Variants in RCOR1 observed in about 807,000 individuals in gnomAD.
RCOR1 encodes REST corepressor.
Under a neutral mutation model 64.0 loss-of-function variants are expected in RCOR1, and 12 were observed. The ratio of observed to expected loss-of-function variants is 0.19; its 90% CI spans 0.12 to 0.30. The LOEUF (loss-of-function observed/expected upper bound fraction) is 0.30. Among genes scored for constraint, RCOR1 ranks in the 10% least tolerant of loss-of-function variants. The pLI, the probability that RCOR1 is intolerant of heterozygous loss-of-function variation, is 1.00. For missense variants in RCOR1, 502 were observed against 621.2 expected (o/e 0.81, Z 2.04); for synonymous variants, 279 against 227.2 (o/e 1.23, Z -2.05).
chr14:102,701,456 G>A (rs1895757782), intron 4 of RCOR1, 126 bp downstream of exon 4: 5 of 621,710 alleles, frequency 8.0e-6, no homozygotes, highest in South Asian at 4.7e-5. Context: ...GTAATTACTA[G>A]TAGTGTTACA....
At position 102,592,950 on chromosome 14, in the gene RCOR1, G is replaced by GCCGCCT. The variant is rs747961008; in HGVS notation, c.76_81dup (p.Ser26_Ala27dup). 125 of 1,189,376 alleles carry GCCGCCT rather than the reference G, an allele frequency of 1.1e-4. No individual in the cohort carries two copies. The East Asian group carries it at 1.1e-3, about 10-fold the overall frequency. 73.7% of individuals were successfully genotyped at this position (1,189,376 alleles called of 1,614,324 possible). ...GAAGCGGAGAGGGAGGAACAACGCGGCCGCCTCCGCCTCCGCCGCCGCCGC... is the reference window on the plus strand; with the variant it reads ...GAAGCGGAGAGGGAGGAACAACGCGGCCGCCTCCGCCTCCGCCTCCGCCGCCGCCGC... On this transcript the variant is annotated inframe_insertion, in exon 1 of 12. Coordinates refer to ENST00000262241, the MANE Select transcript of RCOR1 (RefSeq NM_015156.4).
chr14:102,651,286 G>A (rs947003659), intron 2 of RCOR1: 1 of 155,322 alleles, frequency 6.4e-6, no homozygotes, highest in African/African-American at 2.4e-5. Flanking sequence ...CAGGCGTGGT[G>A]GCCCACGCCT....
intron 2 of RCOR1, chr14:102,655,110 CTTTTTTTTTTTTTT>C (rs67404203): frequency 1.9e-5 from 2 of 104,530 alleles, no homozygotes; most frequent in Non-Finnish European, 3.3e-5. Flanking sequence ...CGCGGACAAC[CTTTTTTTTTTTTTT>C]TTTTTTTTTT....
Position 102,729,718 on chromosome 14 carries a change from C to G in RCOR1, c.*3212C>G. On this transcript the variant is annotated 3_prime_UTR_variant, in exon 12 of 12. Coordinates refer to ENST00000262241, the MANE Select transcript of RCOR1 (RefSeq NM_015156.4). ...TGTCACTTTAAATTTCAACGATACCCTATTTTTGTCATTCTAAATATCAGA... is the reference window on the plus strand; with the variant it reads ...TGTCACTTTAAATTTCAACGATACCGTATTTTTGTCATTCTAAATATCAGA... 2 of 397,750 alleles carry G rather than the reference C, an allele frequency of 5.0e-6. No homozygotes were observed. The allele number at this position is 397,750 out of a possible 1,614,324, so 24.6% of individuals were successfully genotyped here.
Position 102,632,702 on chromosome 14 carries a change from CTTTCCT to C in RCOR1, c.361+39386_361+39391del, listed in dbSNP as rs1216986226. 5.7e-3 allele frequency among the ~76,000 whole-genome samples: 561 copies of C among 98,212 alleles called. 7 individuals are homozygous for C. The highest frequency in any genetic ancestry group is 0.013 in the Middle Eastern group (2 of 150). The allele number at this position is 98,212 out of a possible 152,430, so 64.4% of individuals were successfully genotyped here. On this transcript the variant is annotated intron_variant, in intron 2 of 11. Transcript: ENST00000262241. ...TCCTTTTCCTTTTCCTTTTCCTTTC[CTTTCCT>C]TTTCCTTTCCTTTCCTTTCTTCTCC...
At chr14:102,725,486 C>G (rs1025599721) in intron 11 of RCOR1, among the ~76,000 whole-genome samples, 1 of 152,188 alleles carries the variant, frequency 6.6e-6, no homozygotes, top group Non-Finnish European at 1.5e-5. Flanking sequence ...TGACTGGGTG[C>G]TGAACGGGCT....
At chr14:102,648,540 T>C (rs1894520635) in intron 2 of RCOR1, among the ~76,000 whole-genome samples, 1 of 152,218 alleles carries the variant, frequency 6.6e-6, no homozygotes, top group Admixed American at 6.5e-5. Context: ...GCACTAGCTG[T>C]ATTTATTGCT....
intron 2 of RCOR1, among the ~76,000 whole-genome samples, chr14:102,673,637 C>CA (rs1220995020): frequency 6.7e-6 from 1 of 148,226 alleles, no homozygotes; most frequent in Non-Finnish European, 1.5e-5. Context: ...TCACGTGAGA[C>CA]AGAGTTTCAC....
rs1896290701 is a variant in RCOR1 at position 102,727,479 on chromosome 14, C to T, written c.*973C>T. 1 of 152,418 alleles carries T rather than the reference C, an allele frequency of 6.6e-6. No individual in the cohort carries two copies. Among genetic ancestry groups the T allele is most frequent in the Admixed American group, 6.6e-5 (1 of 15,240 alleles). The allele number at this position is 152,418 out of a possible 1,614,324, so 9.4% of individuals were successfully genotyped here. ...AGATTAGGAGACAGGGGAGAGCTTG[C>T]TGCAGATTCTGACAGTGCAGATTTT... On this transcript the variant is annotated 3_prime_UTR_variant, in exon 12 of 12. Coordinates refer to ENST00000262241, the MANE Select transcript of RCOR1 (RefSeq NM_015156.4).
chr14:102,634,551 A>G (rs981795251), intron 2 of RCOR1, among the ~76,000 whole-genome samples: 85 of 151,918 alleles, frequency 5.6e-4, no homozygotes, highest in African/African-American at 2.0e-3. Flanking sequence ...GTAATGCATA[A>G]CAAATAAATA....
chr14:102,593,816 C>T (rs949523979), intron 2 of RCOR1, among the ~76,000 whole-genome samples: 1 of 152,170 alleles, frequency 6.6e-6, no homozygotes, highest in Non-Finnish European at 1.5e-5. Context: ...TCCTGACTGC[C>T]CTCCCATCCA....
intron 6 of RCOR1, 59 bp downstream of exon 6, chr14:102,708,642 T>C: frequency 1.1e-6 from 1 of 921,588 alleles, no homozygotes; most frequent in Non-Finnish European, 1.7e-6. Context: ...GAGCCCCAGA[T>C]ACACAAAGGC....
At chr14:102,700,473 C>T (rs1343892233) in intron 3 of RCOR1, among the ~76,000 whole-genome samples, 1 of 152,252 alleles carries the variant, frequency 6.6e-6, no homozygotes, top group Non-Finnish European at 1.5e-5. Context: ...TTCGCCTGCC[C>T]TAGCCTCCCA....
intron 2 of RCOR1, among the ~76,000 whole-genome samples, chr14:102,654,377 A>G (rs1282459160): frequency 6.6e-6 from 1 of 152,120 alleles, no homozygotes; most frequent in Non-Finnish European, 1.5e-5. Context: ...ACTTGGGTAA[A>G]AATGAAGAGT....
intron 2 of RCOR1, among the ~76,000 whole-genome samples, chr14:102,600,419 G>A (rs1893366367): frequency 1.3e-5 from 2 of 151,252 alleles, no homozygotes; most frequent in Admixed American, 1.3e-4. Context: ...ATTGTATTTT[G>A]AGACAGAGTT....
intron 2 of RCOR1, chr14:102,657,414 G>A: frequency 1.0e-6 from 1 of 985,184 alleles, no homozygotes; most frequent in Non-Finnish European, 1.2e-6. Context: ...CTTTTCTGAT[G>A]ATGTTTTTGT....
At chr14:102,700,738 G>A (rs1283912270) in intron 3 of RCOR1, among the ~76,000 whole-genome samples, 5 of 152,184 alleles carry the variant, frequency 3.3e-5, no homozygotes, top group Middle Eastern at 3.2e-3. Flanking sequence ...TCATTCAGAC[G>A]TTTCTCTGCA....
At chr14:102,643,562 C>G (rs771468796) in intron 2 of RCOR1, among the ~76,000 whole-genome samples, 2 of 152,174 alleles carry the variant, frequency 1.3e-5, no homozygotes, top group Non-Finnish European at 2.9e-5. Context: ...GTGGAGGCAC[C>G]AGGTATCTTC....
intron 2 of RCOR1, among the ~76,000 whole-genome samples, chr14:102,613,435 AT>A (rs61269468): frequency 0.023 from 2,721 of 119,238 alleles, 43 homozygotes; most frequent in African/African-American, 0.052. Flanking sequence ...TTTATTTATC[AT>A]TTTTTTTTTT....
Sources: gnomAD v4.1 joint callset for allele counts (sites outside exome capture counted in the v4.1 genomes callset) on GRCh38, gnomAD v4.1.1 for gene constraint, MANE v1.5 for transcripts, NCBI Gene and HGNC (gene_info 2026-07-23, HGNC 2026-07-21) for gene names.